EFCAB6: variants seen among roughly 807,000 people sequenced by gnomAD.
EFCAB6 encodes EF-hand calcium-binding domain-containing protein 6.
EFCAB6 carries 156 observed loss-of-function variants against 169.8 expected under a neutral mutation model. The observed-to-expected ratio is 0.92, with a 90% CI of 0.81 to 1.05. The LOEUF (loss-of-function observed/expected upper bound fraction) is 1.05. Ranked by LOEUF, EFCAB6 falls within the 50% of genes least tolerant of loss-of-function variation. The probability of loss-of-function intolerance (pLI) is 0.00; values close to 1 mark genes in which losing one functional copy is unlikely to be tolerated. For synonymous variants in EFCAB6, 698 were observed against 676.4 expected (o/e 1.03, Z -0.50); for missense variants, 1,800 against 1,829.1 (o/e 0.98, Z 0.29).
intron 30 of EFCAB6, among the ~76,000 whole-genome samples, chr22:43,533,789 G>A (rs760354455): frequency 1.4e-4 from 21 of 152,154 alleles, no homozygotes; most frequent in Non-Finnish European, 7.4e-5. Flanking sequence ...TATCACATGC[G>A]TATAGAGATC....
chr22:43,720,210 CAAGGA>C (rs1191031546), intron 8 of EFCAB6, among the ~76,000 whole-genome samples: 3 of 151,716 alleles, frequency 2.0e-5, no homozygotes, highest in Non-Finnish European at 4.4e-5. Context: ...AGGCCGGGTT[CAAGGA>C]AAGGAAAGGA....
intron 19 of EFCAB6, among the ~76,000 whole-genome samples, chr22:43,627,875 A>G (rs915628817): frequency 2.0e-5 from 3 of 152,208 alleles, no homozygotes; most frequent in African/African-American, 7.2e-5. Context: ...TCATGTATTC[A>G]TTCACCAAAA....
chr22:43,563,506 G>A (rs1397323155), intron 26 of EFCAB6, among the ~76,000 whole-genome samples: 1 of 152,142 alleles, frequency 6.6e-6, no homozygotes, highest in Non-Finnish European at 1.5e-5. Flanking sequence ...CTGATGCCAT[G>A]GCGAGGCCTG....
intron 26 of EFCAB6, among the ~76,000 whole-genome samples, chr22:43,566,782 A>C (rs1339516330): frequency 6.6e-6 from 1 of 152,178 alleles, no homozygotes. Flanking sequence ...AGTGAGCCAA[A>C]ACCCCTACCC....
chr22:43,638,471 G>A (rs1602829338), intron 17 of EFCAB6, among the ~76,000 whole-genome samples: 1 of 152,166 alleles, frequency 6.6e-6, no homozygotes, highest in East Asian at 1.9e-4. Flanking sequence ...CTCTTCCCCA[G>A]GAGGTCACAA....
rs757491564 is a variant in EFCAB6 at position 43,626,487 on chromosome 22, T to G, written c.2425A>C (p.Arg809=). 4.3e-6 allele frequency: 7 copies of G among 1,614,226 alleles called. No homozygotes were observed. The South Asian group carries it at 6.6e-5, about 15-fold the overall frequency. ...GGCGCTTCATCTGTTCTCCATGGTC[T>G]CTTCTCACACAAATTTTGAAATTCC... The part of the protein sequence containing the change: ...FREFQNLCEK[R]PWRTDEAPQR... Residue 809 remains arginine, a synonymous_variant, in exon 20 of 32, where the codon AGA becomes CGA. Transcript: ENST00000262726.
At chr22:43,716,345 T>C (rs2059331266) in intron 9 of EFCAB6, among the ~76,000 whole-genome samples, 1 of 152,194 alleles carries the variant, frequency 6.6e-6, no homozygotes, top group African/African-American at 2.4e-5. Flanking sequence ...ATTAGCCAAC[T>C]ACCCCTTTAA....
rs1310207829 is a variant in EFCAB6 at position 43,528,823 on chromosome 22, G to A, written c.*30C>T. 2.5e-6 allele frequency: 4 copies of A among 1,570,228 alleles called. No individual in the cohort carries two copies. Among genetic ancestry groups the A allele is most frequent in the Non-Finnish European group, 3.5e-6 (4 of 1,146,396 alleles). On this transcript the variant is annotated 3_prime_UTR_variant, in exon 32 of 32. Coordinates refer to ENST00000262726, the MANE Select transcript of EFCAB6 (RefSeq NM_022785.4). ...TAGCCTTGAAACAGGCCCTGTGGCT[G>A]TCGTCCCGCTGGGCACACAGCAGGG...
chr22:43,596,914 T>C (rs1349053542), intron 23 of EFCAB6, among the ~76,000 whole-genome samples: 1 of 152,072 alleles, frequency 6.6e-6, no homozygotes, highest in East Asian at 1.9e-4. Flanking sequence ...CAAAGACCAA[T>C]GGAACAGAGT....
chr22:43,655,755 C>T (rs984777546), intron 17 of EFCAB6, among the ~76,000 whole-genome samples: 7 of 152,000 alleles, frequency 4.6e-5, no homozygotes, highest in African/African-American at 1.7e-4. Flanking sequence ...GAGACTTGCT[C>T]TCAATAAGTA....
chr22:43,529,989 G>A (rs1229957819), intron 31 of EFCAB6, among the ~76,000 whole-genome samples: 1 of 152,236 alleles, frequency 6.6e-6, no homozygotes, highest in Non-Finnish European at 1.5e-5. Flanking sequence ...AGGGCTAGAT[G>A]GCCCAGAGGT....
intron 8 of EFCAB6, among the ~76,000 whole-genome samples, chr22:43,720,118 A>G (rs1369953740): frequency 6.6e-6 from 1 of 152,128 alleles, no homozygotes; most frequent in Non-Finnish European, 1.5e-5. Flanking sequence ...ACCACATTGT[A>G]CATCTTAAAT....
At chr22:43,731,227 T>G (rs950561261) in intron 8 of EFCAB6, among the ~76,000 whole-genome samples, 1 of 152,342 alleles carries the variant, frequency 6.6e-6, no homozygotes, top group African/African-American at 2.4e-5. Flanking sequence ...CTCAAGGTTA[T>G]GTCTAATGAC....
chr22:43,781,263 C>T (rs371336063), intron 3 of EFCAB6, among the ~76,000 whole-genome samples: 2 of 152,182 alleles, frequency 1.3e-5, no homozygotes, highest in African/African-American at 2.4e-5. Flanking sequence ...AACCAGTACA[C>T]GAATGCTTAC....
chr22:43,574,850 T>C (rs971339775), intron 26 of EFCAB6, among the ~76,000 whole-genome samples: 1 of 152,068 alleles, frequency 6.6e-6, no homozygotes. Flanking sequence ...ATGGTAGAAG[T>C]TAAAATGTTT....
chr22:43,745,170 A>G (rs556426979), intron 6 of EFCAB6, among the ~76,000 whole-genome samples: 1 of 152,358 alleles, frequency 6.6e-6, no homozygotes, highest in East Asian at 1.9e-4. Context: ...TTCTTTGTTT[A>G]AAATTCTTTT....
intron 17 of EFCAB6, among the ~76,000 whole-genome samples, chr22:43,652,685 A>G (rs983382938): frequency 6.6e-6 from 1 of 152,170 alleles, no homozygotes; most frequent in African/African-American, 2.4e-5. Flanking sequence ...TTTTCTTAAT[A>G]AATAGTATTT....
intron 13 of EFCAB6, among the ~76,000 whole-genome samples, chr22:43,675,328 TATATA>T (rs1253397597): frequency 1.8e-4 from 8 of 45,382 alleles, no homozygotes; most frequent in Admixed American, 7.4e-4. Flanking sequence ...TATACTATAA[TATATA>T]ATATAATATA....
intron 5 of EFCAB6, among the ~76,000 whole-genome samples, chr22:43,761,406 G>C (rs551783724): frequency 1.3e-5 from 2 of 151,858 alleles, no homozygotes; most frequent in Admixed American, 1.3e-4. Context: ...CTGCATTCTA[G>C]ATAATTTCTT....
Sources: gnomAD v4.1 joint callset for allele counts (sites outside exome capture counted in the v4.1 genomes callset) on GRCh38, gnomAD v4.1.1 for gene constraint, MANE v1.5 for transcripts, NCBI Gene and HGNC (gene_info 2026-07-23, HGNC 2026-07-21) for gene names.